The following CTR9 variants were observed in gnomAD, a reference collection of about 807,000 sequenced individuals.
CTR9 encodes the protein RNA polymerase-associated protein CTR9 homolog.
CTR9 carries 41 observed loss-of-function variants against 152.1 expected under a neutral mutation model. The observed-to-expected ratio is 0.27, with a 90% CI of 0.21 to 0.35. The LOEUF is 0.35. Among genes scored for constraint, CTR9 ranks in the 10% least tolerant of loss-of-function variants. The probability of loss-of-function intolerance (pLI) is 1.00; values close to 1 mark genes in which losing one functional copy is unlikely to be tolerated. For missense variants in CTR9, 917 were observed against 1,424.4 expected, an observed-to-expected ratio of 0.64 and a Z score of 5.73; for synonymous variants, 476 against 496.2, an observed-to-expected ratio of 0.96 and a Z score of 0.54.
chr11:10,751,320 C>G lies in CTR9; in HGVS notation c.-93C>G. 7.4e-7 allele frequency: 1 copy of G among 1,358,652 alleles called. No individual in the cohort carries two copies. The highest frequency in any genetic ancestry group is 1.0e-6 in the Non-Finnish European group (1 of 955,616). The allele number at this position is 1,358,652 out of a possible 1,614,324, so 84.2% of individuals were successfully genotyped here. A position where few individuals can be genotyped will look rare whatever the true frequency, so the allele number is the denominator to read the frequency against. On this transcript the variant is annotated 5_prime_UTR_variant, in exon 1 of 25. Coordinates refer to ENST00000361367, the MANE Select transcript of CTR9 (RefSeq NM_014633.5). ...GCGGGGCGGCAGTCAAGACCAGAGC[C>G]GGAGCCGTCACTCACCTCTGGATTA...
At chr11:10,769,694 GTATT>G (rs2135377565) in intron 16 of CTR9, among the ~76,000 whole-genome samples, 1 of 152,280 alleles carries the variant, frequency 6.6e-6, no homozygotes, top group East Asian at 1.9e-4. Flanking sequence ...ATGACAAGAG[GTATT>G]CCATGGTCAA....
In CTR9 at chr11:10,779,225, T is replaced by G; in HGVS notation, c.*120T>G. Reference sequence around the variant, plus strand: ...AATTTTTCTTAAGGCAATTTTCTTTTCTATCAGTTTGTATATTACTAAGCC... The same window carrying G: ...AATTTTTCTTAAGGCAATTTTCTTTGCTATCAGTTTGTATATTACTAAGCC... On this transcript the variant is annotated 3_prime_UTR_variant, in exon 25 of 25. Coordinates refer to ENST00000361367, the MANE Select transcript of CTR9 (RefSeq NM_014633.5). 3.9e-6 allele frequency: 4 copies of G among 1,027,302 alleles called. No individual in the cohort carries two copies. The highest frequency in any genetic ancestry group is 5.5e-6 in the Non-Finnish European group (4 of 726,644). 63.6% of individuals were successfully genotyped at this position (1,027,302 alleles called of 1,614,324 possible).
intron 13 of CTR9, 22 bp downstream of exon 13, chr11:10,766,512 G>T (rs1863062355): frequency 1.3e-6 from 2 of 1,481,912 alleles, no homozygotes; most frequent in Non-Finnish European, 9.2e-7. Context: ...TAACTCTTAG[G>T]TTTGAGAAAT....
chr11:10,775,697 C>A, intron 24 of CTR9, 64 bp downstream of exon 24: 3 of 1,082,388 alleles, frequency 2.8e-6, no homozygotes, highest in Non-Finnish European at 4.1e-6. Context: ...GATTACTAAT[C>A]AGCCTGTCTG....
At position 10,755,675 on chromosome 11, in the gene CTR9, T is replaced by C; in HGVS notation, c.385-3T>C. ...AAATCTAAGATAATACATTACTTCATAGAACCATTTGTTGGGAAGAGCCTG... is the reference window on the plus strand; with the variant it reads ...AAATCTAAGATAATACATTACTTCACAGAACCATTTGTTGGGAAGAGCCTG... On this transcript the variant is annotated splice_region_variant and splice_polypyrimidine_tract_variant and intron_variant, in intron 3 of 24. Transcript: ENST00000361367. The C allele has an allele frequency of 1.9e-6, 3 of 1,589,102 alleles. No individual in the cohort carries two copies. The highest frequency in any genetic ancestry group is 1.1e-5 in the South Asian group (1 of 90,416).
intron 1 of CTR9, among the ~76,000 whole-genome samples, chr11:10,752,095 AT>A (rs961819909): frequency 5.9e-5 from 9 of 151,592 alleles, no homozygotes; most frequent in South Asian, 2.1e-4. Flanking sequence ...TTTTATTTTT[AT>A]TTTTTTTGTT....
In CTR9 at chr11:10,751,315, A is replaced by G; in HGVS notation, c.-98A>G. On this transcript the variant is annotated 5_prime_UTR_variant, in exon 1 of 25. Coordinates refer to ENST00000361367, the MANE Select transcript of CTR9 (RefSeq NM_014633.5). ...GCGCCGCGGGGCGGCAGTCAAGACCAGAGCCGGAGCCGTCACTCACCTCTG... is the reference window on the plus strand; with the variant it reads ...GCGCCGCGGGGCGGCAGTCAAGACCGGAGCCGGAGCCGTCACTCACCTCTG... 14 of 1,321,122 alleles carry G rather than the reference A, an allele frequency of 1.1e-5. No homozygotes were observed. Among genetic ancestry groups the G allele is most frequent in the South Asian group, 2.4e-5 (2 of 84,520 alleles). The allele number at this position is 1,321,122 out of a possible 1,614,324, so 81.8% of individuals were successfully genotyped here. A position where few individuals can be genotyped will look rare whatever the true frequency, so the allele number is the denominator to read the frequency against.
intron 21 of CTR9, 71 bp from the exon 22 acceptor site, chr11:10,773,941 C>A: frequency 2.0e-6 from 2 of 987,076 alleles, no homozygotes; most frequent in Non-Finnish European, 3.0e-6. Flanking sequence ...TGGCCCCTTT[C>A]TGTACCTTAG....
At position 10,767,983 on chromosome 11, in the gene CTR9, C is replaced by G. The variant is rs1314433915; in HGVS notation, c.1864C>G (p.Arg622Gly). Residue 622 changes from arginine to glycine, a missense_variant, in exon 14 of 25, where the codon CGA (arginine) becomes GGA (glycine). Coordinates refer to ENST00000361367, the MANE Select transcript of CTR9 (RefSeq NM_014633.5). The surrounding 1 kb of genome is among the most constrained non-coding windows in gnomAD (Gnocchi z 4.0). ...AACTTTACATCAGCCCACCCGAGAT[C>G]GAGAAAAGGTAATCTCTTTTTGTCC... ...LQTLHQPTRD[R>G]EKEKRHQDRA... The G allele has an allele frequency of 2.8e-5, 45 of 1,613,608 alleles. No individual in the cohort carries two copies. The highest frequency in any genetic ancestry group is 3.4e-5 in the Non-Finnish European group (40 of 1,179,780).
intron 5 of CTR9, among the ~76,000 whole-genome samples, chr11:10,757,672 A>G (rs979242798): frequency 6.6e-6 from 1 of 152,224 alleles, no homozygotes; most frequent in African/African-American, 2.4e-5. Context: ...GCAAATTTTT[A>G]CTGAGTACCA....
chr11:10,763,919 C>A, intron 9 of CTR9, 40 bp downstream of exon 9: 1 of 1,494,556 alleles, frequency 6.7e-7, no homozygotes, highest in South Asian at 1.2e-5. Context: ...TTTCTGTTAG[C>A]TGTCCCAAAA....
chr11:10,758,748 C>A lies in CTR9; in HGVS notation c.593-1425C>A, dbSNP rs141155759. Among the ~76,000 whole-genome samples, 454 of 151,850 alleles carry A rather than the reference C, an allele frequency of 3.0e-3. 1 individual carries two copies. The highest frequency in any genetic ancestry group is 0.01 in the African/African-American group (430 of 41,358). ...TGTAAACAATTAAGATCAAATGGTG[C>A]CAGAAATAAGATCCCCCTCACATGG... On this transcript the variant is annotated intron_variant, in intron 5 of 24. Transcript: ENST00000361367.
rs776117396 is a variant in CTR9, at chr11:10,763,684, A to G, written c.999A>G (p.Thr333=). Residue 333 remains threonine, a synonymous_variant, in exon 9 of 25, where the codon ACA becomes ACG. Coordinates refer to ENST00000361367, the MANE Select transcript of CTR9 (RefSeq NM_014633.5). Reference sequence around the variant, plus strand: ...CTTTTCAGTACTATTATCAAGCCACACAGTTTGCCTCATCCTCTTTTGTGC... The same window carrying G: ...CTTTTCAGTACTATTATCAAGCCACGCAGTTTGCCTCATCCTCTTTTGTGC... ...DQAFQYYYQA[T]QFASSSFVLP... The G allele has an allele frequency of 3.7e-6, 6 of 1,613,738 alleles. No homozygotes were observed. Among genetic ancestry groups the G allele is most frequent in the Non-Finnish European group, 5.1e-6 (6 of 1,179,926 alleles).
chr11:10,763,755 A>G lies in CTR9; in HGVS notation c.1070A>G (p.Lys357Arg). The G allele has an allele frequency of 6.2e-7, 1 of 1,613,922 alleles. No individual in the cohort carries two copies. The highest frequency in any genetic ancestry group is 8.5e-7 in the Non-Finnish European group (1 of 1,179,942). ...CAAATGTATATTTATCGAGGTGACA[A>G]AGAAAATGCATCTCAGTGCTTTGAG... is the stretch of plus-strand genomic sequence containing the variant. ...LGQMYIYRGD[K>R]ENASQCFEKV... The change falls in exon 9 of 25, where the codon AAA (lysine) becomes AGA (arginine). Residue 357 changes from lysine (K) to arginine (R), a missense_variant. By Grantham distance (26) the Lys-to-Arg change is conservative (BLOSUM62 2). Transcript: ENST00000361367.
intron 20 of CTR9, 61 bp downstream of exon 20, chr11:10,772,716 A>T: frequency 4.1e-6 from 6 of 1,451,752 alleles, no homozygotes; most frequent in Non-Finnish European, 5.5e-6. Context: ...TACACTTTGT[A>T]TGTTTAAAAA....
At position 10,770,295 on chromosome 11, in the gene CTR9, A is replaced by C. The variant is rs558695889; in HGVS notation, c.2195A>C (p.Lys732Thr). ...GCCCGGGCCCTCTTCAAGTGTGGCA[A>C]GTTACAGGAATGCAAACAGACTTTG... ...YLARALFKCG[K>T]LQECKQTLLK... The change falls in exon 17 of 25, where the codon AAG (lysine) becomes ACG (threonine). Residue 732 changes from lysine (K) to threonine (T), a missense_variant. Physicochemically the swap from Lys to Thr is moderately conservative, Grantham distance 78. Coordinates refer to ENST00000361367, the MANE Select transcript of CTR9 (RefSeq NM_014633.5). 6.2e-7 allele frequency: 1 copy of C among 1,614,036 alleles called. No individual in the cohort carries two copies. Among genetic ancestry groups the C allele is most frequent in the East Asian group, 2.2e-5 (1 of 44,866 alleles).
chr11:10,764,143 C>A lies in CTR9; in HGVS notation c.1226C>A (p.Pro409His). ...TTGAAGAAGGTCACAGAACAGTATC[C>A]CGATGATGTTGAAGCTTGGATTGAA... ...GHLKKVTEQYPDDVEAWIELA... is the reference protein window; with the variant it reads ...GHLKKVTEQYHDDVEAWIELA... The change falls in exon 10 of 25, where the codon CCC becomes CAC. Residue 409 changes from proline (P) to histidine (H), a missense_variant. By Grantham distance (77) the Pro-to-His change is moderately conservative. Around this residue, in one of 9 missense-constraint regions of CTR9, gnomAD observed 133 missense variants for 244.1 expected, o/e 0.54. Transcript: ENST00000361367. 6.2e-7 allele frequency: 1 copy of A among 1,614,096 alleles called. No individual in the cohort carries two copies. The highest frequency in any genetic ancestry group is 8.5e-7 in the Non-Finnish European group (1 of 1,179,998).
chr11:10,757,715 A>C (rs1413026549), intron 5 of CTR9, among the ~76,000 whole-genome samples: 1 of 152,232 alleles, frequency 6.6e-6, no homozygotes, highest in Non-Finnish European at 1.5e-5. Flanking sequence ...AAACCCTGAG[A>C]ATGTAGCAAT....
chr11:10,763,350 A>G, intron 7 of CTR9, 81 bp from the exon 8 acceptor site: 1 of 909,582 alleles, frequency 1.1e-6, no homozygotes, highest in Non-Finnish European at 1.8e-6. Flanking sequence ...TTACAGGTAA[A>G]CGAAGTGTTA....
Sources: gnomAD v4.1 joint callset for allele counts (sites outside exome capture counted in the v4.1 genomes callset) on GRCh38, gnomAD v4.1.1 for gene constraint, gnomAD v4.1.1 regional missense constraint, Gnocchi (gnomAD v3.1) non-coding constraint, MANE v1.5 for transcripts, NCBI Gene and HGNC (gene_info 2026-07-23, HGNC 2026-07-21) for gene names.